Variants in RB1 observed in about 807,000 individuals in gnomAD.
The protein encoded by RB1 is RB transcriptional corepressor 1, also known as retinoblastoma-associated protein.
RB1 carries 18 observed loss-of-function variants against 135.4 expected under a neutral mutation model. The ratio of observed to expected loss-of-function variants is 0.13; its 90% confidence interval spans 0.09 to 0.20. The LOEUF is 0.20. Among genes scored for constraint, RB1 ranks in the 10% least tolerant of loss-of-function variants. The probability of loss-of-function intolerance (pLI) is 1.00; values close to 1 mark genes in which losing one functional copy is unlikely to be tolerated. For synonymous variants in RB1, 365 were observed against 373.2 expected (o/e 0.98, Z 0.25); for missense variants, 868 against 1,110.0 (o/e 0.78, Z 3.10).
chr13:48,362,911 G>A lies in RB1; in HGVS notation c.815G>A (p.Arg272Lys), dbSNP rs2138112612. The A allele has an allele frequency of 6.2e-7, 1 of 1,613,768 alleles. No individual in the cohort carries two copies. The highest frequency in any genetic ancestry group is 8.5e-7 in the Non-Finnish European group (1 of 1,179,838). ...RIAKQLENDT[R>K]IIEVLCKEHE... ...GCAAAACAACTAGAAAATGATACAAGAATTATTGAAGTTCTCTGTAAAGAA... is the reference window on the plus strand; with the variant it reads ...GCAAAACAACTAGAAAATGATACAAAAATTATTGAAGTTCTCTGTAAAGAA... The change falls in exon 8 of 27, where the codon AGA (arginine) becomes AAA (lysine). Residue 272 changes from arginine to lysine, a missense_variant. By Grantham distance (26) the Arg-to-Lys change is conservative (BLOSUM62 2). This residue lies in a region of RB1 where 641 missense variants were observed against 791.3 expected (regional missense o/e 0.81). Transcript: ENST00000267163.
At chr13:48,437,233 A>G (rs1289908476) in intron 17 of RB1, among the ~76,000 whole-genome samples, 1 of 152,228 alleles carries the variant, frequency 6.6e-6, no homozygotes, top group African/African-American at 2.4e-5. Context: ...TTAGGCTGAC[A>G]GTTAATTTGA....
intron 17 of RB1, among the ~76,000 whole-genome samples, chr13:48,417,624 GC>G (rs567474512): frequency 1.3e-5 from 2 of 152,146 alleles, no homozygotes; most frequent in Non-Finnish European, 2.9e-5. Context: ...ATGCAAGGAA[GC>G]TAAAAACCTT....
rs1320110245 is a variant in RB1 at position 48,384,286 on chromosome 13, A to G, written c.1695+2843A>G. ...CATATATTTTTAGTGTTTGAGTCTT[A>G]TATTACATTTTTAATCATAAAAACC... On this transcript the variant is annotated intron_variant, in intron 17 of 26. Transcript: ENST00000267163. 2.0e-5 allele frequency among the ~76,000 whole-genome samples: 3 copies of G among 152,152 alleles called. No individual in the cohort carries two copies. In the East Asian group the frequency reaches 5.8e-4, roughly 29 times the overall value.
chr13:48,310,068 G>A (rs1952118990), intron 2 of RB1, among the ~76,000 whole-genome samples: 1 of 152,038 alleles, frequency 6.6e-6, no homozygotes, highest in African/African-American at 2.4e-5. Context: ...GCTTTTGAAG[G>A]GTATGATGGA....
At chr13:48,343,010 G>C (rs1293625554) in intron 3 of RB1, among the ~76,000 whole-genome samples, 1 of 152,064 alleles carries the variant, frequency 6.6e-6, no homozygotes, top group East Asian at 1.9e-4. Context: ...GAAAAGCAAG[G>C]ATTTGTAAAT....
chr13:48,367,118 C>CAA (rs34822911), intron 9 of RB1, among the ~76,000 whole-genome samples: 12,741 of 101,206 alleles, frequency 0.13, 1,137 homozygotes, highest in Admixed American at 0.16. Context: ...AACTCCATCT[C>CAA]AAAAAAAAAA....
chr13:48,318,822 T>C (rs781352189), intron 2 of RB1: 228 of 977,592 alleles, frequency 2.3e-4, no homozygotes, highest in Admixed American at 3.5e-4. Flanking sequence ...CGAGCAGCTC[T>C]CACCTCTGGC....
intron 18 of RB1, among the ~76,000 whole-genome samples, chr13:48,455,808 G>T (rs1487468464): frequency 6.6e-6 from 1 of 152,012 alleles, no homozygotes; most frequent in African/African-American, 2.4e-5. Flanking sequence ...TGAAATCTTA[G>T]ATATGAACCA....
At chr13:48,369,644 C>A (rs1347739595) in intron 11 of RB1, among the ~76,000 whole-genome samples, 1 of 152,152 alleles carries the variant, frequency 6.6e-6, no homozygotes, top group Non-Finnish European at 1.5e-5. Context: ...ACACTTTGGC[C>A]TTCTCTGTTT....
At chr13:48,365,329 C>T (rs141451510) in intron 9 of RB1, among the ~76,000 whole-genome samples, 1 of 152,242 alleles carries the variant, frequency 6.6e-6, no homozygotes, top group East Asian at 1.9e-4. Flanking sequence ...AGCGTAGGAA[C>T]CATGATTAAT....
chr13:48,476,250 A>G (rs1949503438), intron 24 of RB1: 1 of 169,942 alleles, frequency 5.9e-6, no homozygotes, highest in Admixed American at 5.7e-5. Flanking sequence ...TGAATCAAAA[A>G]TTATTATTCA....
intron 2 of RB1, among the ~76,000 whole-genome samples, chr13:48,342,356 T>A (rs1300663308): frequency 6.9e-6 from 1 of 145,034 alleles, no homozygotes; most frequent in African/African-American, 2.9e-5. Flanking sequence ...CAATAACTTA[T>A]TTAATTTTTT....
rs1366675428 is a variant in RB1, at chr13:48,380,229, G to T, written c.1486G>T (p.Ala496Ser). 4 of 1,596,698 alleles carry T rather than the reference G, an allele frequency of 2.5e-6. No individual in the cohort carries two copies. The highest frequency in any genetic ancestry group is 1.7e-5 in the Admixed American group (1 of 59,698). The change falls in exon 16 of 27, where the codon GCC (alanine) becomes TCC (serine). Residue 496 changes from alanine (A) to serine (S), a missense_variant. Physicochemically the swap from Ala to Ser is moderately conservative, Grantham distance 99. Around this residue, in one of 3 missense-constraint regions of RB1, gnomAD observed 641 missense variants for 791.3 expected, o/e 0.81. Coordinates refer to ENST00000267163, the MANE Select transcript of RB1 (RefSeq NM_000321.3). ...LLACALEVVM[A>S]TYSRSTSQNL... ...GGCGTGCGCTCTTGAGGTTGTAATGGCCACATATAGCAGTAAGTTAAATTT... is the reference window on the plus strand; with the variant it reads ...GGCGTGCGCTCTTGAGGTTGTAATGTCCACATATAGCAGTAAGTTAAATTT...
intron 6 of RB1, 65 bp from the exon 7 acceptor site, chr13:48,359,952 C>T (rs537584895): frequency 2.2e-5 from 35 of 1,592,554 alleles, no homozygotes; most frequent in African/African-American, 9.4e-5. Flanking sequence ...CTCTACCCTG[C>T]GATTTTCTCT....
At chr13:48,397,044 G>A (rs1456189128) in intron 17 of RB1, among the ~76,000 whole-genome samples, 3 of 152,220 alleles carry the variant, frequency 2.0e-5, no homozygotes, top group East Asian at 3.8e-4. Flanking sequence ...TATACTGTTG[G>A]TGGCAGTGTA....
chr13:48,388,699 A>G (rs1487231480), intron 17 of RB1, among the ~76,000 whole-genome samples: 1 of 152,210 alleles, frequency 6.6e-6, no homozygotes, highest in Non-Finnish European at 1.5e-5. Context: ...AGAAGGGATA[A>G]GATCACTTAA....
rs1060503085 is a variant in RB1 at position 48,307,290 on chromosome 13, G to C, written c.148G>C (p.Glu50Gln). The C allele has an allele frequency of 2.5e-6, 4 of 1,606,052 alleles. No individual in the cohort carries two copies. The highest frequency in any genetic ancestry group is 3.4e-6 in the Non-Finnish European group (4 of 1,173,050). The change falls in exon 2 of 27, where the codon GAA (glutamate) becomes CAA (glutamine). Residue 50 changes from glutamate to glutamine, a missense_variant. Physicochemically the swap from Glu to Gln is conservative, Grantham distance 29 (BLOSUM62 2). Transcript: ENST00000267163. Reference protein sequence around the residue: ...EDLPLVRLEFEETEEPDFTAL... With the variant: ...EDLPLVRLEFQETEEPDFTAL... ...ATTTTCATTTGGTAGGCTTGAGTTT[G>C]AAGAAACAGAAGAACCTGATTTTAC...
intron 17 of RB1, among the ~76,000 whole-genome samples, chr13:48,451,858 A>T (rs1949329592): frequency 6.6e-6 from 1 of 151,826 alleles, no homozygotes. Flanking sequence ...GTATGTGTTC[A>T]GGAATGTATT....
intron 17 of RB1, among the ~76,000 whole-genome samples, chr13:48,382,425 G>C: frequency 6.6e-6 from 1 of 152,112 alleles, no homozygotes; most frequent in Non-Finnish European, 1.5e-5. Flanking sequence ...TTGTGGTTTT[G>C]ATTTGCATTT....
Sources: gnomAD v4.1 joint callset for allele counts (sites outside exome capture counted in the v4.1 genomes callset) on GRCh38, gnomAD v4.1.1 for gene constraint, gnomAD v4.1.1 regional missense constraint, MANE v1.5 for transcripts, NCBI Gene and HGNC (gene_info 2026-07-23, HGNC 2026-07-21) for gene names.